MYOF: variants seen among roughly 807,000 people sequenced by gnomAD.
MYOF encodes myoferlin.
A neutral mutation model predicts 284.2 loss-of-function variants in MYOF; 244 were observed. The ratio of observed to expected loss-of-function variants is 0.86; its 90% CI spans 0.77 to 0.95. The LOEUF (loss-of-function observed/expected upper bound fraction) is 0.95, where lower values mean the gene tolerates loss of function less well. Ranked by LOEUF, MYOF falls within the 40% of genes least tolerant of loss-of-function variation. MYOF has a pLI of 0.00. For synonymous variants in MYOF, 904 were observed against 919.7 expected, an observed-to-expected ratio of 0.98 and a Z score of 0.31; for missense variants, 2,496 against 2,560.6, an observed-to-expected ratio of 0.97 and a Z score of 0.54.
At chr10:93,368,518 C>G (rs1193025484) in intron 25 of MYOF, among the ~76,000 whole-genome samples, 1 of 152,162 alleles carries the variant, frequency 6.6e-6, no homozygotes, top group East Asian at 1.9e-4. Context: ...CAGCTGGTTA[C>G]CTGGCTCAGT....
intron 36 of MYOF, among the ~76,000 whole-genome samples, chr10:93,348,694 T>C (rs564012764): frequency 1.3e-5 from 2 of 152,054 alleles, no homozygotes; most frequent in South Asian, 4.2e-4. Flanking sequence ...GCATGGGCAT[T>C]GGGGTTGTAA....
rs2133938168 is a variant in MYOF, at chr10:93,364,030, T to C, written c.2799A>G (p.Glu933=). The change falls in exon 27 of 54, where the codon GAA becomes GAG. Residue 933 remains glutamate, a synonymous_variant. Coordinates refer to ENST00000359263, the MANE Select transcript of MYOF (RefSeq NM_013451.4). ...GGTAGCGGCTCTCGTTCTGATAGACTTCATCAGTGAACTCCGTGTGACCTG... is the reference window on the plus strand; with the variant it reads ...GGTAGCGGCTCTCGTTCTGATAGACCTCATCAGTGAACTCCGTGTGACCTG... The part of the protein sequence containing the change: ...ADAGHTEFTD[E]VYQNESRYPG... The C allele has an allele frequency of 1.9e-6, 3 of 1,614,158 alleles. No homozygotes were observed. Among genetic ancestry groups the C allele is most frequent in the Non-Finnish European group, 2.5e-6 (3 of 1,180,036 alleles).
At chr10:93,381,139 G>A (rs1392968003) in intron 20 of MYOF, 80 bp downstream of exon 20, 1 of 1,434,372 alleles carries the variant, frequency 7.0e-7, no homozygotes, top group Non-Finnish European at 9.7e-7. Flanking sequence ...CAGTGCCAGA[G>A]GGAAGACACA....
At chr10:93,458,897 T>C (rs1258755061) in intron 1 of MYOF, among the ~76,000 whole-genome samples, 1 of 152,208 alleles carries the variant, frequency 6.6e-6, no homozygotes, top group African/African-American at 2.4e-5. Flanking sequence ...TAATGTCACA[T>C]TGCTTTGGCT....
At chr10:93,397,594 G>A in intron 13 of MYOF, 138 bp from the exon 14 acceptor site, 1 of 546,650 alleles carries the variant, frequency 1.8e-6, no homozygotes, top group South Asian at 3.8e-5. Flanking sequence ...TTTTCTTGAT[G>A]ATTTGTAAAA....
chr10:93,374,654 A>G (rs897447692), intron 23 of MYOF, 109 bp downstream of exon 23: 2 of 1,131,670 alleles, frequency 1.8e-6, no homozygotes, highest in African/African-American at 1.6e-5. Context: ...GAGCTGCTCA[A>G]TATCCAAGAT....
At position 93,441,561 on chromosome 10, in the gene MYOF, C is replaced by CT. The variant is rs148461507; in HGVS notation, c.237-10046dup. Among the ~76,000 whole-genome samples the CT allele has an allele frequency of 4.8e-3, 597 of 125,042 alleles. 5 individuals are homozygous for CT. Among genetic ancestry groups the CT allele is most frequent in the African/African-American group, 6.8e-3 (224 of 32,756 alleles). The allele number at this position is 125,042 out of a possible 152,430, so 82.0% of individuals were successfully genotyped here. The stretch of plus-strand genomic sequence containing the variant: ...CACCATGCCTGGCTAATTTTTGTAT[C>CT]TTTTTTTTTTTTTTTTTTTTGAGAC... On this transcript the variant is annotated intron_variant, in intron 3 of 53. Transcript: ENST00000359263.
chr10:93,409,525 G>A (rs777653799), intron 6 of MYOF, 48 bp downstream of exon 6: 66 of 1,588,972 alleles, frequency 4.2e-5, no homozygotes, highest in South Asian at 1.8e-4. Flanking sequence ...CCAGAAGATG[G>A]GCAATATAAA....
intron 17 of MYOF, among the ~76,000 whole-genome samples, chr10:93,392,611 T>C (rs1846752033): frequency 1.3e-5 from 2 of 152,216 alleles, no homozygotes. Flanking sequence ...ATTTCTCTAC[T>C]TACTGAACAT....
chr10:93,361,306 T>A, intron 28 of MYOF, 146 bp downstream of exon 28: 2 of 705,006 alleles, frequency 2.8e-6, no homozygotes, highest in Non-Finnish European at 4.7e-6. Flanking sequence ...TAAAAGGCCA[T>A]GAACTGGTAC....
intron 5 of MYOF, among the ~76,000 whole-genome samples, chr10:93,410,918 C>T (rs17108635): frequency 0.072 from 11,016 of 152,232 alleles, 474 homozygotes; most frequent in African/African-American, 0.12. Flanking sequence ...TCTGAAGCCA[C>T]GTGGCCTAGG....
At chr10:93,326,062 C>A in intron 45 of MYOF, 97 bp from the exon 46 acceptor site, 2 of 1,481,636 alleles carry the variant, frequency 1.3e-6, no homozygotes, top group Non-Finnish European at 9.3e-7. Context: ...CCAGACTTTG[C>A]CAAAATGGAC....
At chr10:93,469,835 C>T (rs1256158613) in intron 1 of MYOF, among the ~76,000 whole-genome samples, 3 of 152,178 alleles carry the variant, frequency 2.0e-5, no homozygotes, top group African/African-American at 7.2e-5. Flanking sequence ...GCTGTAAGAC[C>T]TTGAGTGAGG....
chr10:93,471,615 G>A (rs1416297080), intron 1 of MYOF, among the ~76,000 whole-genome samples: 6 of 152,194 alleles, frequency 3.9e-5, no homozygotes, highest in Non-Finnish European at 8.8e-5. Flanking sequence ...AAGGCGGGGC[G>A]TGGTGCCTCA....
chr10:93,442,547 G>A (rs913743680), intron 3 of MYOF, among the ~76,000 whole-genome samples: 1 of 152,260 alleles, frequency 6.6e-6, no homozygotes, highest in South Asian at 2.1e-4. Context: ...ATATTGTCAG[G>A]CCTTTTTGTT....
chr10:93,430,964 C>T (rs1355668731), intron 4 of MYOF, among the ~76,000 whole-genome samples: 6 of 151,310 alleles, frequency 4.0e-5, no homozygotes, highest in African/African-American at 1.5e-4. Flanking sequence ...ATACCTTTTC[C>T]TTTTCTTTTC....
intron 25 of MYOF, among the ~76,000 whole-genome samples, chr10:93,367,254 G>A (rs180849244): frequency 7.9e-5 from 12 of 152,126 alleles, no homozygotes; most frequent in East Asian, 1.9e-4. Context: ...AATCTATGAC[G>A]GTCTGCTCTT....
At chr10:93,395,264 A>G (rs1390728268) in intron 16 of MYOF, among the ~76,000 whole-genome samples, 4 of 152,150 alleles carry the variant, frequency 2.6e-5, no homozygotes, top group Non-Finnish European at 2.9e-5. Flanking sequence ...CCAACATGGT[A>G]AAACTCTGTC....
rs565532679 is a variant in MYOF, at chr10:93,473,321, A to C, written c.88+8786T>G. Reference sequence around the variant, plus strand: ...TCTACCCACTTTGTCTTGGCCTTCCATGCCCCTTGGCCACAGTTAATTGGA... The same window carrying C: ...TCTACCCACTTTGTCTTGGCCTTCCCTGCCCCTTGGCCACAGTTAATTGGA... On this transcript the variant is annotated intron_variant, in intron 1 of 53. Transcript: ENST00000359263. 5.3e-5 allele frequency among the ~76,000 whole-genome samples: 8 copies of C among 152,324 alleles called. No individual in the cohort carries two copies. The South Asian group carries it at 1.7e-3, about 32-fold the overall frequency.
Sources: gnomAD v4.1 joint callset for allele counts (sites outside exome capture counted in the v4.1 genomes callset) on GRCh38, gnomAD v4.1.1 for gene constraint, MANE v1.5 for transcripts, NCBI Gene and HGNC (gene_info 2026-07-23, HGNC 2026-07-21) for gene names.